Variants in MARCHF4 observed in about 807,000 individuals in gnomAD.
The protein encoded by MARCHF4 is E3 ubiquitin-protein ligase MARCHF4.
A neutral mutation model predicts 43.9 loss-of-function variants in MARCHF4; 14 were observed. The observed-to-expected ratio is 0.32, with a 90% CI of 0.21 to 0.50. MARCHF4 has a LOEUF of 0.50. MARCHF4 is among the 20% of genes least tolerant of loss of function. The pLI, the probability that MARCHF4 is intolerant of heterozygous loss-of-function variation, is 0.98. For missense variants in MARCHF4, 468 were observed against 536.7 expected (o/e 0.87, Z 1.27); for synonymous variants, 226 against 213.3 (o/e 1.06, Z -0.52).
intron 1 of MARCHF4, among the ~76,000 whole-genome samples, chr2:216,290,973 G>A (rs1466797116): frequency 6.6e-6 from 1 of 152,156 alleles, no homozygotes; most frequent in Non-Finnish European, 1.5e-5. Context: ...TGAGATACAT[G>A]TTAATCTGGA....
At chr2:216,270,180 A>T (rs1157181529) in intron 3 of MARCHF4, among the ~76,000 whole-genome samples, 1 of 151,974 alleles carries the variant, frequency 6.6e-6, no homozygotes, top group East Asian at 1.9e-4. Flanking sequence ...AGCTCAAGTG[A>T]TCCTCCTGTC....
chr2:216,289,643 G>T (rs1237508627), intron 1 of MARCHF4, among the ~76,000 whole-genome samples: 1 of 152,140 alleles, frequency 6.6e-6, no homozygotes, highest in Non-Finnish European at 1.5e-5. Flanking sequence ...GGAGTCCCTA[G>T]CTTACCTGGT....
intron 1 of MARCHF4, among the ~76,000 whole-genome samples, chr2:216,289,309 T>C (rs1691270511): frequency 6.9e-6 from 1 of 143,964 alleles, no homozygotes; most frequent in Non-Finnish European, 1.5e-5. Flanking sequence ...TCTAAAAATA[T>C]ATTGTTTTTG....
intron 1 of MARCHF4, among the ~76,000 whole-genome samples, chr2:216,300,276 TTCA>T (rs1463297127): frequency 4.0e-5 from 6 of 150,238 alleles, no homozygotes; most frequent in Admixed American, 6.6e-5. Flanking sequence ...TCTCCTCCTT[TTCA>T]TCATTTGAAT....
Position 216,259,543 on chromosome 2 carries a change from G to C in MARCHF4, c.1002C>G (p.Pro334=). The C allele has an allele frequency of 6.2e-7, 1 of 1,614,176 alleles. No homozygotes were observed. The highest frequency in any genetic ancestry group is 1.1e-5 in the South Asian group (1 of 91,080). The part of the protein sequence containing the change: ...EDQKAGGRTN[P]RTSSSTQANI... Reference sequence around the variant, plus strand: ...TGGCCTGGGTGGATGAGGAGGTCCGGGGGTTGGTCCTGCCTCCTGCCTTTT... The same window carrying C: ...TGGCCTGGGTGGATGAGGAGGTCCGCGGGTTGGTCCTGCCTCCTGCCTTTT... The change falls in exon 4 of 4, where the codon CCC becomes CCG. Residue 334 remains proline (P), a synonymous_variant. Coordinates refer to ENST00000273067, the MANE Select transcript of MARCHF4 (RefSeq NM_020814.3).
rs1691419498 is a variant in MARCHF4, at chr2:216,297,734, T to A, written c.517-14005A>T. Reference sequence around the variant, plus strand: ...TTTCTCCATGTTGGTCAGGCTGATCTCGAACTCCCCACCTCAGGTGATCCA... The same window carrying A: ...TTTCTCCATGTTGGTCAGGCTGATCACGAACTCCCCACCTCAGGTGATCCA... On this transcript the variant is annotated intron_variant, in intron 1 of 3. Coordinates refer to ENST00000273067, the MANE Select transcript of MARCHF4 (RefSeq NM_020814.3). 2.0e-5 allele frequency among the ~76,000 whole-genome samples: 3 copies of A among 152,150 alleles called. No homozygotes were observed. In the South Asian group the frequency reaches 6.2e-4, roughly 32 times the overall value.
intron 3 of MARCHF4, among the ~76,000 whole-genome samples, chr2:216,271,957 A>ATTTTTTTTTTTTTT (rs57629851): frequency 5.0e-5 from 5 of 100,580 alleles, no homozygotes; most frequent in African/African-American, 2.0e-4. Context: ...CACCTGGCTA[A>ATTTTTTTTTTTTTT]TTTTTTTTTT....
chr2:216,294,447 A>G (rs1277743108), intron 1 of MARCHF4, among the ~76,000 whole-genome samples: 1 of 152,218 alleles, frequency 6.6e-6, no homozygotes, highest in African/African-American at 2.4e-5. Context: ...ACACTTCACT[A>G]ATGTTCCGGA....
rs141748360 is a variant in MARCHF4, at chr2:216,344,244, G to GAAACAAAC, written c.516+25493_516+25500dup. Reference sequence around the variant, plus strand: ...ACTCATCCACAGCAAAACAAAAACAGAAACAAACAAACAAACAAACAAAAA... The same window carrying GAAACAAAC: ...ACTCATCCACAGCAAAACAAAAACAGAAACAAACAAACAAACAAACAAACAAACAAAAA... On this transcript the variant is annotated intron_variant, in intron 1 of 3. Coordinates refer to ENST00000273067, the MANE Select transcript of MARCHF4 (RefSeq NM_020814.3). 6.0e-3 allele frequency among the ~76,000 whole-genome samples: 915 copies of GAAACAAAC among 151,354 alleles called. 7 individuals are homozygous for GAAACAAAC. Among genetic ancestry groups the GAAACAAAC allele is most frequent in the African/African-American group, 0.021 (861 of 41,196 alleles).
chr2:216,342,752 C>T (rs1692256048), intron 1 of MARCHF4, among the ~76,000 whole-genome samples: 1 of 152,148 alleles, frequency 6.6e-6, no homozygotes, highest in Non-Finnish European at 1.5e-5. Context: ...ACCTTCTCTG[C>T]CCTGGCCCAG....
chr2:216,263,158 G>A (rs944963597), intron 3 of MARCHF4, among the ~76,000 whole-genome samples: 13 of 152,190 alleles, frequency 8.5e-5, no homozygotes, highest in African/African-American at 3.1e-4. Context: ...TAGGCGCAGT[G>A]GCTCATGCCT....
chr2:216,279,671 TG>T, intron 2 of MARCHF4, among the ~76,000 whole-genome samples: 1 of 152,346 alleles, frequency 6.6e-6, no homozygotes, highest in East Asian at 1.9e-4. Context: ...TTTTAACTGT[TG>T]GGAAACATTT....
At chr2:216,313,162 T>C (rs370036055) in intron 1 of MARCHF4, among the ~76,000 whole-genome samples, 54 of 152,316 alleles carry the variant, frequency 3.5e-4, no homozygotes, top group African/African-American at 1.2e-3. Context: ...TTTATTTTTG[T>C]CAAGTTTGTG....
intron 1 of MARCHF4, among the ~76,000 whole-genome samples, chr2:216,313,211 G>A (rs1412218860): frequency 6.6e-6 from 1 of 151,684 alleles, no homozygotes; most frequent in Non-Finnish European, 1.5e-5. Flanking sequence ...TTTTTTTCTG[G>A]GTTCTCTATT....
chr2:216,340,213 T>C (rs1533098), intron 1 of MARCHF4, among the ~76,000 whole-genome samples: 81,100 of 152,050 alleles, frequency 0.53, 22,584 homozygotes, highest in East Asian at 0.78. Context: ...ACAGCCTGGG[T>C]GCTTGGAACC....
chr2:216,368,933 G>C (rs949456200), intron 1 of MARCHF4, among the ~76,000 whole-genome samples: 7 of 152,172 alleles, frequency 4.6e-5, no homozygotes, highest in African/African-American at 1.7e-4. Flanking sequence ...GGGAAAACCT[G>C]CCAGACTTGG....
intron 1 of MARCHF4, among the ~76,000 whole-genome samples, chr2:216,319,489 A>T (rs1691844825): frequency 6.6e-6 from 1 of 152,206 alleles, no homozygotes; most frequent in South Asian, 2.1e-4. Flanking sequence ...CTAGAGCAAG[A>T]GAATAAGAAA....
chr2:216,320,631 CT>C (rs1559098550), intron 1 of MARCHF4, among the ~76,000 whole-genome samples: 8 of 98,602 alleles, frequency 8.1e-5, no homozygotes, highest in South Asian at 7.6e-4. Context: ...TTCTTTCTTT[CT>C]TTCTTTCTTT....
chr2:216,266,810 T>G (rs185923025), intron 3 of MARCHF4, among the ~76,000 whole-genome samples: 1 of 152,198 alleles, frequency 6.6e-6, no homozygotes, highest in Non-Finnish European at 1.5e-5. Context: ...CAGGGGGTAC[T>G]GCTGGGAAAG....
Sources: gnomAD v4.1 joint callset for allele counts (sites outside exome capture counted in the v4.1 genomes callset) on GRCh38, gnomAD v4.1.1 for gene constraint, MANE v1.5 for transcripts, NCBI Gene and HGNC (gene_info 2026-07-23, HGNC 2026-07-21) for gene names.